LOC400499: variants seen among roughly 807,000 people sequenced by gnomAD.
the LOC400499 span, chr16:11,435,816 A>G: frequency 2.5e-6 from 1 of 399,266 alleles, no homozygotes; most frequent in African/African-American, 2.1e-5. Flanking sequence ...TCCCGGCCAG[A>G]CATTTGCACA....
At chr16:11,441,629 G>C in the LOC400499 span, among the ~76,000 whole-genome samples, 1 of 41,202 alleles carries the variant, frequency 2.4e-5, no homozygotes. Flanking sequence ...CTTGAGATGA[G>C]GAGATTATCT....
At chr16:11,440,683 C>T in the LOC400499 span, 1 of 398,804 alleles carries the variant, frequency 2.5e-6, no homozygotes, top group East Asian at 3.6e-5. Flanking sequence ...TTATTAAGAC[C>T]CGGCCTCCCT....
the LOC400499 span, among the ~76,000 whole-genome samples, chr16:11,422,238 T>A: frequency 6.6e-6 from 1 of 152,224 alleles, no homozygotes; most frequent in East Asian, 1.9e-4. Context: ...CTGTCTATAC[T>A]AAAAATACAA....
chr16:11,474,935 T>C, the LOC400499 span, among the ~76,000 whole-genome samples: 586 of 152,330 alleles, frequency 3.8e-3, 2 homozygotes, highest in African/African-American at 0.013. Context: ...AGCTGGAAGC[T>C]GAGTCATGCA....
At chr16:11,479,007 A>T in the LOC400499 span, among the ~76,000 whole-genome samples, 2 of 152,208 alleles carry the variant, frequency 1.3e-5, no homozygotes, top group African/African-American at 4.8e-5. Context: ...CTCCCCAGTC[A>T]GTTGGAACTG....
At chr16:11,391,776 C>T in the LOC400499 span, 10 of 1,232,142 alleles carry the variant, frequency 8.1e-6, no homozygotes, top group Non-Finnish European at 1.0e-5. Context: ...TACTGCCCAA[C>T]CACTCGCCTG....
chr16:11,443,953 G>C, the LOC400499 span, among the ~76,000 whole-genome samples: 5,027 of 152,016 alleles, frequency 0.033, 125 homozygotes, highest in East Asian at 0.14. Context: ...TTGTGCCTAA[G>C]CCTCCGGGGT....
chr16:11,426,245 G>A, the LOC400499 span, among the ~76,000 whole-genome samples: 2 of 152,082 alleles, frequency 1.3e-5, no homozygotes, highest in Non-Finnish European at 2.9e-5. Context: ...AGACCAGCCT[G>A]GTCAACATGG....
the LOC400499 span, among the ~76,000 whole-genome samples, chr16:11,374,856 C>T: frequency 6.6e-6 from 1 of 151,966 alleles, no homozygotes; most frequent in East Asian, 1.9e-4. Context: ...TGTATGGTAA[C>T]TCTTTGTTTT....
chr16:11,429,561 C>T, the LOC400499 span, among the ~76,000 whole-genome samples: 3 of 151,734 alleles, frequency 2.0e-5, no homozygotes, highest in African/African-American at 7.3e-5. Flanking sequence ...GCAACCTCTG[C>T]CTCCCATGTT....
chr16:11,462,147 G>A, the LOC400499 span: 6 of 1,524,782 alleles, frequency 3.9e-6, no homozygotes, highest in Non-Finnish European at 8.8e-7. Flanking sequence ...CTCAGCAGAT[G>A]GCTCAGCGAT....
chr16:11,387,341 G>C, the LOC400499 span: 57 of 1,225,248 alleles, frequency 4.7e-5, no homozygotes, highest in South Asian at 1.7e-3. Flanking sequence ...CCCGAGCCTT[G>C]CTTCCCTTGG....
At chr16:11,419,457 G>C in the LOC400499 span, among the ~76,000 whole-genome samples, 1 of 150,986 alleles carries the variant, frequency 6.6e-6, no homozygotes, top group African/African-American at 2.5e-5. Context: ...ATTCAAGATG[G>C]ATTAAAGACT....
chr16:11,480,447 C>T, the LOC400499 span, among the ~76,000 whole-genome samples: 3,367 of 152,266 alleles, frequency 0.022, 122 homozygotes, highest in African/African-American at 0.077. Flanking sequence ...AACCGTCTAC[C>T]TTGGTCACTA....
At chr16:11,479,962 G>T in the LOC400499 span, among the ~76,000 whole-genome samples, 1 of 152,046 alleles carries the variant, frequency 6.6e-6, no homozygotes, top group Non-Finnish European at 1.5e-5. Context: ...ATTGAATTTG[G>T]AAATTGGGAG....
chr16:11,510,337 A>C, the LOC400499 span, among the ~76,000 whole-genome samples: 1 of 151,296 alleles, frequency 6.6e-6, no homozygotes, highest in Admixed American at 6.6e-5. Flanking sequence ...TAATCCTCAG[A>C]CCTCTCCTTA....
the LOC400499 span, among the ~76,000 whole-genome samples, chr16:11,458,300 C>T: frequency 1.3e-5 from 2 of 151,924 alleles, no homozygotes; most frequent in Admixed American, 6.6e-5. Context: ...AAGCCAAGGT[C>T]GTGCCACTGC....
chr16:11,489,606 G>A, the LOC400499 span, among the ~76,000 whole-genome samples: 1 of 152,108 alleles, frequency 6.6e-6, no homozygotes, highest in Admixed American at 6.6e-5. Flanking sequence ...TCACAGAATA[G>A]AGCAGAATGT....
At chr16:11,436,857 G>C in the LOC400499 span, among the ~76,000 whole-genome samples, 1 of 152,060 alleles carries the variant, frequency 6.6e-6, no homozygotes, top group Non-Finnish European at 1.5e-5. Context: ...ACCTCCCAAA[G>C]TGCTGGGATT....
Sources: allele counts gnomAD v4.1 joint callset (sites outside exome capture counted in the v4.1 genomes callset), GRCh38; gene constraint gnomAD v4.1.1; transcripts MANE v1.5.